The following BBS7 variants were observed in gnomAD, a reference collection of about 807,000 sequenced individuals.
The protein encoded by BBS7 is BBSome complex member BBS7.
In BBS7, 50 loss-of-function variants were observed where a neutral mutation model predicts 90.3. That is an observed-to-expected ratio of 0.55 (90% CI 0.44 to 0.70). The LOEUF (loss-of-function observed/expected upper bound fraction) is 0.70. BBS7 is among the 30% of genes least tolerant of loss of function. The pLI is 0.00. For synonymous variants in BBS7, 235 were observed against 287.4 expected (o/e 0.82, Z 1.85); for missense variants, 729 against 838.9 (o/e 0.87, Z 1.62).
At chr4:121,829,762 T>A (rs1259108844) in intron 15 of BBS7, among the ~76,000 whole-genome samples, 1 of 152,190 alleles carries the variant, frequency 6.6e-6, no homozygotes, top group Non-Finnish European at 1.5e-5. Flanking sequence ...AGAAGCTCTA[T>A]AGCAGCTGAA....
At chr4:121,861,823 T>A in intron 3 of BBS7, 144 bp from the exon 4 acceptor site, 1 of 800,164 alleles carries the variant, frequency 1.2e-6, no homozygotes. Context: ...ATAATCTATA[T>A]ACTTCAGCAG....
At chr4:121,836,531 C>T (rs1725456838) in intron 13 of BBS7, among the ~76,000 whole-genome samples, 1 of 152,270 alleles carries the variant, frequency 6.6e-6, no homozygotes, top group East Asian at 1.9e-4. Flanking sequence ...TATAAATCAA[C>T]TCATTCTTTA....
At chr4:121,863,154 A>T in intron 3 of BBS7, 63 bp downstream of exon 3, 1 of 1,495,010 alleles carries the variant, frequency 6.7e-7, no homozygotes, top group Non-Finnish European at 9.3e-7. Flanking sequence ...ACCTAGTATT[A>T]TTCAATAAAT....
At chr4:121,847,129 T>C (rs1217878388) in intron 10 of BBS7, among the ~76,000 whole-genome samples, 2 of 152,128 alleles carry the variant, frequency 1.3e-5, no homozygotes, top group African/African-American at 4.8e-5. Context: ...CAAGTGTCTA[T>C]GACACACACA....
rs1002315435 is a variant in BBS7, at chr4:121,847,506, C to G, written c.935G>C (p.Gly312Ala). 2.5e-6 allele frequency: 4 copies of G among 1,604,294 alleles called. No individual in the cohort carries two copies. In the African/African-American group the frequency reaches 5.4e-5, roughly 21 times the overall value. ...CTCTGTTGTCAGACCTGTAACCCAG[C>G]CTGTAGAGATGAATTACAATCACGC... is the stretch of plus-strand genomic sequence containing the variant. ...YDEIVVSTYS[G>A]WVTGLTTEPI... The change falls in exon 10 of 19, where the codon GGC (glycine) becomes GCC (alanine). Residue 312 changes from glycine to alanine, a missense_variant and splice_region_variant. By Grantham distance (60) the Gly-to-Ala change is moderately conservative (BLOSUM62 0). Transcript: ENST00000264499.
rs1402861361 is a variant in BBS7, at chr4:121,826,113, T to C, written c.2015-120A>G. ...GCACCTGTAATTCCATGATTTAACATACACAAACCTAAAAGCCATGTTTTT... is the reference window on the plus strand; with the variant it reads ...GCACCTGTAATTCCATGATTTAACACACACAAACCTAAAAGCCATGTTTTT... On this transcript the variant is annotated intron_variant, in intron 18 of 18. Coordinates refer to ENST00000264499, the MANE Select transcript of BBS7 (RefSeq NM_176824.3). The C allele has an allele frequency of 7.5e-6, 6 of 799,274 alleles. No individual in the cohort carries two copies. In the African/African-American group the frequency reaches 8.7e-5, roughly 12 times the overall value. The allele number at this position is 799,274 out of a possible 1,614,324, so 49.5% of individuals were successfully genotyped here.
At chr4:121,869,018 G>C (rs1185724048) in intron 1 of BBS7, among the ~76,000 whole-genome samples, 1 of 152,172 alleles carries the variant, frequency 6.6e-6, no homozygotes, top group African/African-American at 2.4e-5. Flanking sequence ...GGATGGCTTG[G>C]AGGGAGATGA....
In BBS7 at chr4:121,833,288, C is replaced by A; in HGVS notation, c.1619G>T (p.Cys540Phe). 1.9e-6 allele frequency: 3 copies of A among 1,614,000 alleles called. No homozygotes were observed. In the South Asian group the frequency reaches 3.3e-5, roughly 18 times the overall value. The change falls in exon 15 of 19, where the codon TGT becomes TTT. Residue 540 changes from cysteine to phenylalanine, a missense_variant. Cys to Phe is a radical substitution (Grantham distance 205). Transcript: ENST00000264499. ...GGTGTTCTGAAAGTAAAATGTCACA[C>A]ATTCTCCTGCTGGAGGTTTTTCTGG... ...EVPEKPPAGE[C>F]VTFYFQNTFL...
intron 8 of BBS7, 74 bp from the exon 9 acceptor site, chr4:121,849,002 C>T (rs1264775153): frequency 8.9e-6 from 10 of 1,127,102 alleles, no homozygotes; most frequent in South Asian, 7.5e-5. Flanking sequence ...AGCCACACAA[C>T]GTTTTCCCTG....
chr4:121,868,822 T>A (rs1478773538), intron 1 of BBS7, among the ~76,000 whole-genome samples: 1 of 151,632 alleles, frequency 6.6e-6, no homozygotes, highest in Non-Finnish European at 1.5e-5. Context: ...AGCAGGGAAC[T>A]GTCACTGCTG....
chr4:121,859,946 T>C (rs1392380363), intron 4 of BBS7, among the ~76,000 whole-genome samples: 1 of 152,116 alleles, frequency 6.6e-6, no homozygotes, highest in African/African-American at 2.4e-5. Flanking sequence ...TTAAGTGTGA[T>C]ATATTTTTCA....
chr4:121,833,307 T>C lies in BBS7; in HGVS notation c.1600A>G (p.Lys534Glu). 2 of 1,614,032 alleles carry C rather than the reference T, an allele frequency of 1.2e-6. No individual in the cohort carries two copies. The highest frequency in any genetic ancestry group is 1.7e-6 in the Non-Finnish European group (2 of 1,179,946). ...GTCACACATTCTCCTGCTGGAGGTT[T>C]TTCTGGAACTTCAGGCAGACAAAAA... is the stretch of plus-strand genomic sequence containing the variant. ...VVFCLPEVPEKPPAGECVTFY... is the reference protein window; with the variant it reads ...VVFCLPEVPEEPPAGECVTFY... Residue 534 changes from lysine (K) to glutamate (E), a missense_variant, in exon 15 of 19, where the codon AAA becomes GAA. Lys to Glu is a moderately conservative substitution (Grantham distance 56). Coordinates refer to ENST00000264499, the MANE Select transcript of BBS7 (RefSeq NM_176824.3).
chr4:121,829,162 T>C (rs1725051509), intron 15 of BBS7, among the ~76,000 whole-genome samples: 1 of 152,148 alleles, frequency 6.6e-6, no homozygotes, highest in African/African-American at 2.4e-5. Context: ...ATATCAAATA[T>C]GAAAGAGTGA....
In BBS7 at chr4:121,853,085, A is replaced by G; in HGVS notation, c.720T>C (p.Gly240=). ...TGTCAAAGCTGTCAATACACAAAAT[A>G]CCTTTAAAAAGAGATATGTGATAAG... ...WEIQNEKKRG[G]ILCIDSFDIV... The change falls in exon 8 of 19, where the codon GGT becomes GGC. Residue 240 remains glycine (G), a splice_region_variant and synonymous_variant. Coordinates refer to ENST00000264499, the MANE Select transcript of BBS7 (RefSeq NM_176824.3). 1 of 1,613,000 alleles carries G rather than the reference A, an allele frequency of 6.2e-7. No individual in the cohort carries two copies. The highest frequency in any genetic ancestry group is 1.1e-5 in the South Asian group (1 of 91,054).
At chr4:121,863,901 T>C (rs907467628) in intron 2 of BBS7, among the ~76,000 whole-genome samples, 3 of 152,192 alleles carry the variant, frequency 2.0e-5, no homozygotes, top group African/African-American at 4.8e-5. Context: ...TCCTCAAAAG[T>C]AGATATCAAA....
At chr4:121,845,058 G>A (rs1318376174) in intron 11 of BBS7, among the ~76,000 whole-genome samples, 1 of 152,100 alleles carries the variant, frequency 6.6e-6, no homozygotes, top group Admixed American at 6.6e-5. Context: ...AAGAATAAAA[G>A]GCCATAAACA....
chr4:121,848,810 T>A, intron 9 of BBS7, 34 bp downstream of exon 9: 2 of 1,442,886 alleles, frequency 1.4e-6, no homozygotes, highest in Non-Finnish European at 1.8e-6. Context: ...TGTTGTTGAC[T>A]CTTTCTTCAA....
At chr4:121,832,865 CA>C (rs1463970886) in intron 15 of BBS7, among the ~76,000 whole-genome samples, 3 of 152,084 alleles carry the variant, frequency 2.0e-5, no homozygotes, top group Non-Finnish European at 2.9e-5. Flanking sequence ...TCGTTTATGT[CA>C]ATAAAATCTT....
In BBS7 at chr4:121,859,127, A is replaced by G; in HGVS notation, c.393T>C (p.His131=). Residue 131 remains histidine, a synonymous_variant, in exon 5 of 19, where the codon CAT becomes CAC. Coordinates refer to ENST00000264499, the MANE Select transcript of BBS7 (RefSeq NM_176824.3). ...AATGTTGGTCTTTGCAGTCACAATA[A>G]TGGTTATAGATGTAACTTGCACTGA... ...LFLSASYIYN[H]YCDCKDQHYY... 6.8e-6 allele frequency: 11 copies of G among 1,613,896 alleles called. No homozygotes were observed. Among genetic ancestry groups the G allele is most frequent in the Non-Finnish European group, 8.5e-6 (10 of 1,179,846 alleles).
Sources: gnomAD v4.1 joint callset for allele counts (sites outside exome capture counted in the v4.1 genomes callset) on GRCh38, gnomAD v4.1.1 for gene constraint, MANE v1.5 for transcripts, NCBI Gene and HGNC (gene_info 2026-07-23, HGNC 2026-07-21) for gene names.